CAMTA1: variants seen among roughly 807,000 people sequenced by gnomAD.
CAMTA1 encodes the protein calmodulin binding transcription activator 1, also known as calmodulin-binding transcription activator 1.
Under a neutral mutation model 170.9 loss-of-function variants are expected in CAMTA1, and 27 were observed. That is an observed-to-expected ratio of 0.16 (90% CI 0.12 to 0.22). The LOEUF (loss-of-function observed/expected upper bound fraction) is 0.22. Among genes scored for constraint, CAMTA1 ranks in the 10% least tolerant of loss-of-function variants. The probability of loss-of-function intolerance (pLI) is 1.00; values close to 1 mark genes in which losing one functional copy is unlikely to be tolerated. For missense variants in CAMTA1, 1,619 were observed against 2,217.2 expected (o/e 0.73, Z 5.42); for synonymous variants, 833 against 891.5 (o/e 0.93, Z 1.17).
intron 11 of CAMTA1, among the ~76,000 whole-genome samples, chr1:7,729,499 G>A (rs191442701): frequency 1.3e-5 from 2 of 152,364 alleles, no homozygotes; most frequent in Non-Finnish European, 2.9e-5. Flanking sequence ...GATCTGAAGT[G>A]AGGACTGAAC....
At chr1:6,889,344 A>G (rs1571408781) in intron 3 of CAMTA1, among the ~76,000 whole-genome samples, 1 of 152,374 alleles carries the variant, frequency 6.6e-6, no homozygotes, top group Middle Eastern at 3.4e-3. Context: ...GAACTCACAA[A>G]TCTGTATTTA....
At chr1:7,704,709 C>T (rs1265148088) in intron 11 of CAMTA1, among the ~76,000 whole-genome samples, 24 of 148,168 alleles carry the variant, frequency 1.6e-4, no homozygotes, top group African/African-American at 5.8e-4. Flanking sequence ...GGGCGGCGCA[C>T]TCGGGCAGTG....
At chr1:6,868,882 T>C (rs1197139298) in intron 3 of CAMTA1, among the ~76,000 whole-genome samples, 1 of 152,218 alleles carries the variant, frequency 6.6e-6, no homozygotes, top group Non-Finnish European at 1.5e-5. Flanking sequence ...TTTCCAGTTT[T>C]AGATTAAGGA....
chr1:7,670,888 G>C (rs375651893), intron 9 of CAMTA1, 23 bp from the exon 10 acceptor site: 2 of 1,612,610 alleles, frequency 1.2e-6, no homozygotes, highest in Admixed American at 1.7e-5. Flanking sequence ...CTCCAACTCT[G>C]TTCCCCTCTC....
intron 5 of CAMTA1, among the ~76,000 whole-genome samples, chr1:7,329,099 T>G (rs889450060): frequency 6.6e-6 from 1 of 152,128 alleles, no homozygotes; most frequent in African/African-American, 2.4e-5. Flanking sequence ...TTCCTAAATC[T>G]GCCCTTAAAA....
rs901821371 is a variant in CAMTA1 at position 7,680,323 on chromosome 1, C to T, written c.2914+2590C>T. ...GCGGGCGCTGGGCCGATTCTCCCTC[C>T]GCGCTGGCCAGGCCGTGGAGACGGG... On this transcript the variant is annotated intron_variant, in intron 11 of 22. Coordinates refer to ENST00000303635, the MANE Select transcript of CAMTA1 (RefSeq NM_015215.4). The surrounding 1 kb of genome is among the most constrained non-coding windows in gnomAD (Gnocchi z 4.4). 4.5e-5 allele frequency: 8 copies of T among 177,714 alleles called. No homozygotes were observed. Among genetic ancestry groups the T allele is most frequent in the Non-Finnish European group, 9.9e-5 (8 of 80,970 alleles). The allele number at this position is 177,714 out of a possible 1,614,324, so 11.0% of individuals were successfully genotyped here.
At chr1:7,026,046 G>C (rs1421645335) in intron 3 of CAMTA1, among the ~76,000 whole-genome samples, 1 of 152,028 alleles carries the variant, frequency 6.6e-6, no homozygotes, top group Non-Finnish European at 1.5e-5. Flanking sequence ...CTTGAGCCCG[G>C]AAGATGGAGG....
chr1:7,704,148 T>G (rs1434018121), intron 11 of CAMTA1, among the ~76,000 whole-genome samples: 3 of 150,508 alleles, frequency 2.0e-5, no homozygotes, highest in African/African-American at 7.3e-5. Context: ...TCCCGCCGGC[T>G]GCATTGCAGA....
At chr1:7,660,174 T>C (rs2095942441) in intron 7 of CAMTA1, among the ~76,000 whole-genome samples, 1 of 152,178 alleles carries the variant, frequency 6.6e-6, no homozygotes, top group South Asian at 2.1e-4. Flanking sequence ...TCCCAGACGA[T>C]TCTTTTGCCT....
intron 5 of CAMTA1, among the ~76,000 whole-genome samples, chr1:7,308,344 A>T (rs1334160549): frequency 1.3e-5 from 2 of 151,616 alleles, no homozygotes; most frequent in African/African-American, 4.8e-5. Flanking sequence ...TTCATTTTCA[A>T]TTCCATTTGT....
At chr1:7,337,303 G>A (rs1216602703) in intron 5 of CAMTA1, among the ~76,000 whole-genome samples, 1 of 152,224 alleles carries the variant, frequency 6.6e-6, no homozygotes, top group East Asian at 1.9e-4. Flanking sequence ...GGTTAGGAGA[G>A]GGCGTGTCTG....
intron 11 of CAMTA1, among the ~76,000 whole-genome samples, chr1:7,707,905 G>A (rs1320102989): frequency 1.3e-5 from 2 of 152,106 alleles, no homozygotes; most frequent in African/African-American, 4.8e-5. Context: ...TCTCTTATGT[G>A]ACTACATTTG....
chr1:7,738,527 C>A lies in CAMTA1; in HGVS notation c.4182+45C>A. ...TAAGCCCGCAGAGGCTGGTGCGTTC[C>A]AGTTGCTGTGATCTTTATGGTCCAT... is the stretch of plus-strand genomic sequence containing the variant. On this transcript the variant is annotated intron_variant, in intron 16 of 22. Coordinates refer to ENST00000303635, the MANE Select transcript of CAMTA1 (RefSeq NM_015215.4). The surrounding 1 kb of genome is among the most constrained non-coding windows in gnomAD (Gnocchi z 4.9). 6.4e-7 allele frequency: 1 copy of A among 1,574,514 alleles called. No homozygotes were observed. The highest frequency in any genetic ancestry group is 1.2e-5 in the South Asian group (1 of 86,402).
At chr1:7,434,387 A>G (rs1294186466) in intron 5 of CAMTA1, among the ~76,000 whole-genome samples, 1 of 152,154 alleles carries the variant, frequency 6.6e-6, no homozygotes, top group Non-Finnish European at 1.5e-5. Context: ...TCTGTGTGAC[A>G]TACTCCCCAT....
chr1:7,167,804 A>AGT (rs1648786182), intron 4 of CAMTA1, among the ~76,000 whole-genome samples: 1 of 152,142 alleles, frequency 6.6e-6, no homozygotes, highest in South Asian at 2.1e-4. Flanking sequence ...TCTGGAATGC[A>AGT]GTGGGGTAAT....
chr1:7,601,115 A>AC (rs575322161), intron 6 of CAMTA1, among the ~76,000 whole-genome samples: 6 of 140,814 alleles, frequency 4.3e-5, no homozygotes, highest in Non-Finnish European at 4.6e-5. Flanking sequence ...CCGGGGGCTG[A>AC]CCCCCCCACC....
chr1:7,024,231 G>A (rs1378302264), intron 3 of CAMTA1, among the ~76,000 whole-genome samples: 2 of 152,110 alleles, frequency 1.3e-5, no homozygotes, highest in African/African-American at 4.8e-5. Context: ...AATACGGCTG[G>A]AGGAATAAAG....
chr1:7,292,298 A>C (rs1374868292), intron 5 of CAMTA1, among the ~76,000 whole-genome samples: 3 of 151,998 alleles, frequency 2.0e-5, no homozygotes, highest in African/African-American at 7.3e-5. Flanking sequence ...GGCAGTTTCA[A>C]AAGGGAAAAA....
chr1:7,475,627 C>T (rs375522159), intron 6 of CAMTA1, among the ~76,000 whole-genome samples: 1 of 152,210 alleles, frequency 6.6e-6, no homozygotes, highest in South Asian at 2.1e-4. Context: ...TATACACGCT[C>T]ACCACCGTGC....
Sources: allele counts gnomAD v4.1 joint callset (sites outside exome capture counted in the v4.1 genomes callset), GRCh38; gene constraint gnomAD v4.1.1; non-coding constraint Gnocchi (gnomAD v3.1); transcripts MANE v1.5; gene names NCBI Gene and HGNC (gene_info 2026-07-23, HGNC 2026-07-21).